ALS2: variants seen among roughly 807,000 people sequenced by gnomAD.
ALS2 encodes alsin.
In ALS2, 117 loss-of-function variants were observed where a neutral mutation model predicts 203.4. The ratio of observed to expected loss-of-function variants is 0.58; its 90% CI spans 0.50 to 0.67. The LOEUF (loss-of-function observed/expected upper bound fraction) is 0.67, where lower values mean the gene tolerates loss of function less well. Ranked by LOEUF, ALS2 falls within the 30% of genes least tolerant of loss-of-function variation. The probability of loss-of-function intolerance (pLI) is 0.00; values close to 1 mark genes in which losing one functional copy is unlikely to be tolerated. For synonymous variants in ALS2, 718 were observed against 725.9 expected (o/e 0.99, Z 0.17); for missense variants, 1,715 against 1,989.4 (o/e 0.86, Z 2.62).
chr2:201,753,541 A>G (rs1693198187), intron 6 of ALS2, among the ~76,000 whole-genome samples: 1 of 152,200 alleles, frequency 6.6e-6, no homozygotes, highest in Non-Finnish European at 1.5e-5. Context: ...AAAAATAACC[A>G]CAGAAGGAAG....
intron 7 of ALS2, among the ~76,000 whole-genome samples, chr2:201,750,788 A>C (rs1466579202): frequency 6.6e-6 from 1 of 151,974 alleles, no homozygotes; most frequent in Non-Finnish European, 1.5e-5. Context: ...GTTAATAACT[A>C]TCTAGAACTC....
chr2:201,771,415 T>C (rs1176720375), intron 1 of ALS2, among the ~76,000 whole-genome samples: 2 of 152,142 alleles, frequency 1.3e-5, no homozygotes, highest in Non-Finnish European at 2.9e-5. Flanking sequence ...ACAAGATACG[T>C]CTGCCTGAAA....
chr2:201,744,895 T>C (rs554034069), intron 9 of ALS2, among the ~76,000 whole-genome samples: 1 of 152,328 alleles, frequency 6.6e-6, no homozygotes, highest in South Asian at 2.1e-4. Flanking sequence ...TATTAAAATA[T>C]CTAGGATCTA....
At chr2:201,747,170 T>G (rs1413225654) in intron 8 of ALS2, among the ~76,000 whole-genome samples, 5 of 152,134 alleles carry the variant, frequency 3.3e-5, no homozygotes, top group Non-Finnish European at 7.4e-5. Context: ...GAAAACAAAC[T>G]AATAAGGCTA....
intron 12 of ALS2, 39 bp downstream of exon 12, chr2:201,738,631 G>A: frequency 6.3e-7 from 1 of 1,581,814 alleles, no homozygotes; most frequent in South Asian, 1.1e-5. Context: ...GTCATCTTTG[G>A]CGGAGAGAAT....
At chr2:201,721,393 T>G (rs187431085) in intron 23 of ALS2, among the ~76,000 whole-genome samples, 1 of 152,224 alleles carries the variant, frequency 6.6e-6, no homozygotes, top group South Asian at 2.1e-4. Flanking sequence ...AGGACTTATA[T>G]TCCTGATTTC....
At position 201,750,568 on chromosome 2, in the gene ALS2, A is replaced by G. The variant is rs189544146; in HGVS notation, c.1738-779T>C. 6.6e-3 allele frequency among the ~76,000 whole-genome samples: 966 copies of G among 146,608 alleles called. 2 individuals are homozygous for G. The highest frequency in any genetic ancestry group is 9.9e-3 in the Non-Finnish European group (651 of 65,770). ...GAGTTACTGTAAGAGAAACACAAGT[A>G]CCTACACGACACTACAGACAAAAGA... On this transcript the variant is annotated intron_variant, in intron 7 of 33. Transcript: ENST00000264276.
At chr2:201,706,106 C>T (rs1251678370) in intron 29 of ALS2, among the ~76,000 whole-genome samples, 2 of 152,156 alleles carry the variant, frequency 1.3e-5, no homozygotes, top group Non-Finnish European at 2.9e-5. Flanking sequence ...AACAGCAGGG[C>T]TGGGCACAGT....
chr2:201,780,662 G>C (rs1694865665), intron 1 of ALS2, among the ~76,000 whole-genome samples: 1 of 152,218 alleles, frequency 6.6e-6, no homozygotes, highest in Non-Finnish European at 1.5e-5. Context: ...CCAAGGCAGG[G>C]GCCGCCTCGG....
At chr2:201,724,521 A>G in intron 20 of ALS2, 62 bp from the exon 21 acceptor site, 7 of 1,558,992 alleles carry the variant, frequency 4.5e-6, no homozygotes, top group Non-Finnish European at 6.2e-6. Flanking sequence ...TCATTTTTAC[A>G]AAGTTTAGAA....
chr2:201,760,676 A>G (rs946909415), intron 4 of ALS2: 3 of 1,378,072 alleles, frequency 2.2e-6, no homozygotes, highest in Non-Finnish European at 2.8e-6. Context: ...TTTCAATATC[A>G]TAAAGGGCCA....
Position 201,761,335 on chromosome 2 carries a change from A to G in ALS2, c.659T>C (p.Leu220Pro). The G allele has an allele frequency of 2.5e-6, 4 of 1,614,066 alleles. No homozygotes were observed. Among genetic ancestry groups the G allele is most frequent in the Non-Finnish European group, 3.4e-6 (4 of 1,180,012 alleles). Residue 220 changes from leucine to proline, a missense_variant, in exon 4 of 34, where the codon CTC (leucine) becomes CCC (proline). Transcript: ENST00000264276. ...GACTGGCTTCAGATCCTGGGAAGGG[A>G]GGCATTGTACAAGGGCTAAGCTGTG... ...AFHSLALVQC[L>P]PSQDLKPVPE... is the part of the protein sequence containing the mutation.
chr2:201,739,349 C>T (rs1007152363), intron 11 of ALS2, among the ~76,000 whole-genome samples: 4 of 151,228 alleles, frequency 2.6e-5, no homozygotes, highest in Admixed American at 6.6e-5. Flanking sequence ...ATATCTATTA[C>T]GTGGTAACTT....
At chr2:201,719,963 T>G in intron 23 of ALS2, 1 of 243,802 alleles carries the variant, frequency 4.1e-6, no homozygotes, top group Non-Finnish European at 8.2e-6. Flanking sequence ...AGAAACTGAG[T>G]TAGAAATTAA....
Position 201,723,094 on chromosome 2 carries a change from A to G in ALS2, c.3651T>C (p.Asp1217=), listed in dbSNP as rs1690913977. The G allele has an allele frequency of 1.2e-6, 2 of 1,613,774 alleles. No homozygotes were observed. Among genetic ancestry groups the G allele is most frequent in the Non-Finnish European group, 1.7e-6 (2 of 1,179,664 alleles). Residue 1217 remains aspartate, a synonymous_variant, in exon 23 of 34, where the codon GAT becomes GAC. Transcript: ENST00000264276. ...AAAATTCTCCTTCATAGATAGTATC[A>G]TCTTCGGAAAGCAAAACCCCATTTC... ...MMGNGVLLSE[D]DTIYEGEFSD...
At chr2:201,702,208 T>A (rs1252317151) in intron 33 of ALS2, among the ~76,000 whole-genome samples, 7 of 151,760 alleles carry the variant, frequency 4.6e-5, no homozygotes, top group African/African-American at 1.5e-4. Flanking sequence ...ACATTTAGAG[T>A]ATACCAATCA....
chr2:201,720,186 C>T (rs939077367), intron 23 of ALS2: 2 of 388,864 alleles, frequency 5.1e-6, no homozygotes, highest in African/African-American at 4.5e-5. Flanking sequence ...ACCATTACCT[C>T]TCATAAATAT....
At chr2:201,770,617 T>C (rs1694331857) in intron 1 of ALS2, among the ~76,000 whole-genome samples, 1 of 152,180 alleles carries the variant, frequency 6.6e-6, no homozygotes, top group African/African-American at 2.4e-5. Context: ...CAACTCTCCT[T>C]AAGATAGAAA....
chr2:201,740,690 T>C (rs1373675978), intron 11 of ALS2, among the ~76,000 whole-genome samples: 1 of 152,220 alleles, frequency 6.6e-6, no homozygotes, highest in Non-Finnish European at 1.5e-5. Flanking sequence ...AGAATTAAAA[T>C]AGCATCCAAC....
Sources: allele counts gnomAD v4.1 joint callset (sites outside exome capture counted in the v4.1 genomes callset), GRCh38; gene constraint gnomAD v4.1.1; transcripts MANE v1.5; gene names NCBI Gene and HGNC (gene_info 2026-07-23, HGNC 2026-07-21).